TMEM229B: variants seen among roughly 807,000 people sequenced by gnomAD.
TMEM229B encodes the protein transmembrane protein 229B, also known as chromosome 14 open reading frame 83.
A neutral mutation model predicts 13.7 loss-of-function variants in TMEM229B; 6 were observed. The ratio of observed to expected loss-of-function variants is 0.44; its 90% confidence interval spans 0.24 to 0.86. The LOEUF is 0.86. TMEM229B is among the 40% of genes least tolerant of loss of function. TMEM229B has a pLI of 0.23. For missense variants in TMEM229B, 170 were observed against 236.0 expected (o/e 0.72, Z 1.83); for synonymous variants, 107 against 102.1 (o/e 1.05, Z -0.29).
chr14:67,486,635 C>G (rs2031898545), intron 2 of TMEM229B, among the ~76,000 whole-genome samples: 1 of 152,172 alleles, frequency 6.6e-6, no homozygotes, highest in African/African-American at 2.4e-5. Flanking sequence ...TGCTACCAAC[C>G]TTGTAATATG....
Position 67,481,112 on chromosome 14 carries a change from G to A in TMEM229B, c.-19+5888C>T, listed in dbSNP as rs573196786. On this transcript the variant is annotated intron_variant, in intron 2 of 2. Transcript: ENST00000554480. ...TCGAGACCAGCCTGGGCAACATAGC[G>A]AGACCACCATCTCTACAAAAAGAAA... Among the ~76,000 whole-genome samples the A allele has an allele frequency of 4.7e-4, 71 of 152,152 alleles. 2 individuals carry two copies. In the South Asian group the frequency reaches 0.013, roughly 28 times the overall value.
chr14:67,529,485 T>C (rs2033414306), intron 1 of TMEM229B, among the ~76,000 whole-genome samples: 2 of 152,196 alleles, frequency 1.3e-5, no homozygotes, highest in African/African-American at 4.8e-5. Flanking sequence ...AATGAATAAA[T>C]GAAAGAAGAG....
At chr14:67,532,150 C>T (rs1370557874) in intron 1 of TMEM229B, among the ~76,000 whole-genome samples, 1 of 152,176 alleles carries the variant, frequency 6.6e-6, no homozygotes, top group African/African-American at 2.4e-5. Context: ...TCCTGCACTA[C>T]CAGCTTTCCT....
intron 2 of TMEM229B, among the ~76,000 whole-genome samples, chr14:67,479,600 C>A (rs1453904183): frequency 1.3e-5 from 2 of 152,074 alleles, no homozygotes; most frequent in African/African-American, 4.8e-5. Flanking sequence ...CACCTGTAAT[C>A]CCAGCTACTC....
chr14:67,497,226 G>A lies in TMEM229B; in HGVS notation c.-191-10054C>T, dbSNP rs182898166. On this transcript the variant is annotated intron_variant, in intron 1 of 2. Coordinates refer to the TMEM229B transcript ENST00000357461. ...AATGCCCTGGGTTGTCTGGGGTCACGGGAGGGCAGCACAGTGAGCATCCGT... is the reference window on the plus strand; with the variant it reads ...AATGCCCTGGGTTGTCTGGGGTCACAGGAGGGCAGCACAGTGAGCATCCGT... Among the ~76,000 whole-genome samples the A allele has an allele frequency of 1.8e-3, 279 of 152,288 alleles. 2 individuals are homozygous for A. Among genetic ancestry groups the A allele is most frequent in the African/African-American group, 6.4e-3 (267 of 41,546 alleles).
chr14:67,473,187 A>G lies in TMEM229B; in HGVS notation c.*233T>C, dbSNP rs2030881909. ...GTACCAACCCCTGAACTGGGCCGCG[A>G]TCCATGGACCCTTCCCAATGTCCCT... is the stretch of plus-strand genomic sequence containing the variant. On this transcript the variant is annotated 3_prime_UTR_variant, in exon 3 of 3. Coordinates refer to ENST00000554480, the MANE Select transcript of TMEM229B (RefSeq NM_001348543.2). The surrounding 1 kb of genome is among the most constrained non-coding windows in gnomAD (Gnocchi z 6.5). 1.7e-6 allele frequency: 1 copy of G among 574,966 alleles called. No homozygotes were observed. The highest frequency in any genetic ancestry group is 3.1e-5 in the East Asian group (1 of 32,210). 35.6% of individuals were successfully genotyped at this position (574,966 alleles called of 1,614,324 possible).
chr14:67,523,732 A>G (rs2033324374), intron 1 of TMEM229B, among the ~76,000 whole-genome samples: 1 of 152,254 alleles, frequency 6.6e-6, no homozygotes, highest in Non-Finnish European at 1.5e-5. Flanking sequence ...TTTTGTTAAA[A>G]GATTCTGCCT....
chr14:67,498,311 C>T (rs1479998345), intron 1 of TMEM229B, among the ~76,000 whole-genome samples: 3 of 152,098 alleles, frequency 2.0e-5, no homozygotes, highest in Non-Finnish European at 2.9e-5. Context: ...TGTGGTTCTC[C>T]CTGTGCACAC....
chr14:67,503,849 G>T (rs1233587100), intron 1 of TMEM229B, among the ~76,000 whole-genome samples: 2 of 150,778 alleles, frequency 1.3e-5, no homozygotes, highest in African/African-American at 4.9e-5. Context: ...GATTACAGGT[G>T]CTCACCACCA....
chr14:67,527,812 G>A (rs919387823), intron 1 of TMEM229B, among the ~76,000 whole-genome samples: 6 of 152,200 alleles, frequency 3.9e-5, no homozygotes, highest in African/African-American at 7.2e-5. Flanking sequence ...CTCAGATTGC[G>A]GAGCAAAGTA....
chr14:67,509,811 A>G (rs980039298), intron 1 of TMEM229B, among the ~76,000 whole-genome samples: 1 of 152,008 alleles, frequency 6.6e-6, no homozygotes, highest in Non-Finnish European at 1.5e-5. Flanking sequence ...GTTTGAGACC[A>G]GCCTGTGCAA....
At chr14:67,493,902 AT>A (rs146063577) in intron 1 of TMEM229B, among the ~76,000 whole-genome samples, 26 of 151,694 alleles carry the variant, frequency 1.7e-4, no homozygotes, top group African/African-American at 5.3e-4. Flanking sequence ...TTTAAAAATA[AT>A]TTTTTTTTAA....
At chr14:67,530,039 C>T (rs962882048) in intron 1 of TMEM229B, among the ~76,000 whole-genome samples, 1 of 152,108 alleles carries the variant, frequency 6.6e-6, no homozygotes. Flanking sequence ...CTAGAAGGCT[C>T]GTACAAGGGA....
intron 2 of TMEM229B, among the ~76,000 whole-genome samples, chr14:67,477,188 G>A (rs114841023): frequency 0.012 from 1,809 of 150,726 alleles, 36 homozygotes; most frequent in African/African-American, 0.039. Flanking sequence ...AAAAATGTTC[G>A]ATATCTCCTT....
chr14:67,485,514 G>A (rs2031822697), intron 2 of TMEM229B, among the ~76,000 whole-genome samples: 1 of 152,168 alleles, frequency 6.6e-6, no homozygotes, highest in South Asian at 2.1e-4. Flanking sequence ...GAAGCTCTGG[G>A]TTCCCATGGA....
At chr14:67,523,611 T>A (rs1311864106) in intron 1 of TMEM229B, among the ~76,000 whole-genome samples, 1 of 152,250 alleles carries the variant, frequency 6.6e-6, no homozygotes, top group Non-Finnish European at 1.5e-5. Context: ...TTATTTGTGT[T>A]CTACAATGGG....
At position 67,499,002 on chromosome 14, in the gene TMEM229B, T is replaced by TATTA. The variant is rs1489052412; in HGVS notation, c.-191-11834_-191-11831dup. 3.7e-3 allele frequency among the ~76,000 whole-genome samples: 559 copies of TATTA among 151,062 alleles called. 3 individuals are homozygous for TATTA. Among genetic ancestry groups the TATTA allele is most frequent in the African/African-American group, 0.013 (526 of 41,146 alleles). On this transcript the variant is annotated intron_variant, in intron 1 of 2. Coordinates refer to the TMEM229B transcript ENST00000357461. ...GGTTTTATTTATTTATTTATTTATT[T>TATTA]ATTAGTTATTTAATTTTAGAAACAA...
upstream of TMEM229B, among the ~76,000 whole-genome samples, chr14:67,492,439 G>A (rs577889324): frequency 3.3e-5 from 5 of 152,206 alleles, no homozygotes; most frequent in Non-Finnish European, 7.3e-5. Flanking sequence ...TCTCCTGTCA[G>A]TCAGAAAAAA....
upstream of TMEM229B, among the ~76,000 whole-genome samples, chr14:67,492,835 G>A (rs1260267607): frequency 6.6e-6 from 1 of 152,228 alleles, no homozygotes; most frequent in Admixed American, 6.5e-5. Flanking sequence ...GCCAGGTACT[G>A]TACCATGTGT....
Sources: allele counts gnomAD v4.1 joint callset (sites outside exome capture counted in the v4.1 genomes callset), GRCh38; gene constraint gnomAD v4.1.1; non-coding constraint Gnocchi (gnomAD v3.1); transcripts MANE v1.5; gene names NCBI Gene and HGNC (gene_info 2026-07-23, HGNC 2026-07-21).